SLC36A4: variants seen among roughly 807,000 people sequenced by gnomAD.
The protein encoded by SLC36A4 is neutral amino acid uniporter 4.
Under a neutral mutation model 50.5 loss-of-function variants are expected in SLC36A4, and 49 were observed. The ratio of observed to expected loss-of-function variants is 0.97; its 90% confidence interval spans 0.77 to 1.23. The LOEUF (loss-of-function observed/expected upper bound fraction) is 1.23. SLC36A4 is among the 50% of genes most tolerant of loss of function. The probability of loss-of-function intolerance (pLI) is 0.00; values close to 1 mark genes in which losing one functional copy is unlikely to be tolerated. For synonymous variants in SLC36A4, 207 were observed against 206.5 expected, an observed-to-expected ratio of 1.00 and a Z score of -0.02; for missense variants, 611 against 608.4, an observed-to-expected ratio of 1.00 and a Z score of -0.05.
At chr11:93,188,456 T>C (rs1862081549) in intron 1 of SLC36A4, among the ~76,000 whole-genome samples, 1 of 152,208 alleles carries the variant, frequency 6.6e-6, no homozygotes, top group Admixed American at 6.5e-5. Flanking sequence ...TCCAAATTCC[T>C]GAAGTCAAAA....
At chr11:93,180,704 T>C in intron 6 of SLC36A4, 93 bp downstream of exon 6, 1 of 868,998 alleles carries the variant, frequency 1.2e-6, no homozygotes, top group Non-Finnish European at 1.8e-6. Flanking sequence ...GAACACATTT[T>C]CAAATTCAAC....
intron 6 of SLC36A4, among the ~76,000 whole-genome samples, chr11:93,175,959 T>G (rs1461010556): frequency 1.5e-5 from 2 of 135,314 alleles, no homozygotes; most frequent in Middle Eastern, 3.4e-3. Context: ...AAATGTCTAT[T>G]AGGTCCGCTT....
At chr11:93,157,474 G>A (rs1392165351) in intron 9 of SLC36A4, among the ~76,000 whole-genome samples, 1 of 152,186 alleles carries the variant, frequency 6.6e-6, no homozygotes, top group Non-Finnish European at 1.5e-5. Flanking sequence ...TCCTATCCAT[G>A]AGCATGGAAT....
intron 10 of SLC36A4, 83 bp downstream of exon 10, chr11:93,154,024 AT>A: frequency 4.6e-6 from 3 of 645,568 alleles, no homozygotes; most frequent in Non-Finnish European, 7.0e-6. Context: ...TGTAGCTTTC[AT>A]TTTAAGAAAT....
At chr11:93,185,670 C>T in intron 2 of SLC36A4, 21 bp downstream of exon 2, 4 of 1,558,478 alleles carry the variant, frequency 2.6e-6, no homozygotes, top group Non-Finnish European at 3.4e-6. Context: ...GAAAAGGAGA[C>T]TTATAAACCA....
Position 93,166,026 on chromosome 11 carries a change from GGAA to G in SLC36A4, c.769-13_769-11del. The G allele has an allele frequency of 6.4e-7, 1 of 1,573,632 alleles. No homozygotes were observed. The highest frequency in any genetic ancestry group is 8.6e-7 in the Non-Finnish European group (1 of 1,159,364). ...GGGGATCTGGCATGTTCTAAAGAAA[GGAA>G]GAAAAAAAGAAGACCAGTTACATCT... On this transcript the variant is annotated splice_polypyrimidine_tract_variant and intron_variant, in intron 7 of 10. Transcript: ENST00000326402.
At chr11:93,187,767 T>C (rs1194235568) in intron 1 of SLC36A4, among the ~76,000 whole-genome samples, 1 of 152,204 alleles carries the variant, frequency 6.6e-6, no homozygotes, top group African/African-American at 2.4e-5. Flanking sequence ...CTTCTAGTTC[T>C]CTTTCATTTC....
intron 5 of SLC36A4, 61 bp downstream of exon 5, chr11:93,181,630 A>C: frequency 8.0e-7 from 1 of 1,247,660 alleles, no homozygotes; most frequent in Non-Finnish European, 1.1e-6. Flanking sequence ...TTGTTAGGTT[A>C]AAATACTTAA....
chr11:93,170,704 T>A (rs1372631052), intron 6 of SLC36A4, among the ~76,000 whole-genome samples: 1 of 152,038 alleles, frequency 6.6e-6, no homozygotes, highest in East Asian at 1.9e-4. Context: ...TTTATCTGCA[T>A]GAGATTTTCT....
chr11:93,185,896 G>A, intron 1 of SLC36A4, 82 bp from the exon 2 acceptor site: 1 of 1,260,102 alleles, frequency 7.9e-7, no homozygotes, highest in East Asian at 2.4e-5. Flanking sequence ...CAAAATATTA[G>A]GAAACACCAT....
chr11:93,165,559 G>A (rs1860822374), intron 8 of SLC36A4, among the ~76,000 whole-genome samples: 2 of 151,966 alleles, frequency 1.3e-5, no homozygotes, highest in South Asian at 4.2e-4. Flanking sequence ...TTTTAAACTG[G>A]CCTTGAGTTA....
chr11:93,170,100 T>C (rs1861060463), intron 6 of SLC36A4: 1 of 152,076 alleles, frequency 6.6e-6, no homozygotes, highest in Non-Finnish European at 1.5e-5. Context: ...AATAAAAATG[T>C]AGATACATAC....
At position 93,197,789 on chromosome 11, in the gene SLC36A4, C is replaced by T. The variant is rs1454288301; in HGVS notation, c.44G>A (p.Arg15His). 2 of 1,586,868 alleles carry T rather than the reference C, an allele frequency of 1.3e-6. No homozygotes were observed. The highest frequency in any genetic ancestry group is 1.7e-5 in the Admixed American group (1 of 59,510). The change falls in exon 1 of 11, where the codon CGC becomes CAC. Residue 15 changes from arginine (R) to histidine (H), a missense_variant. Transcript: ENST00000326402. ...CGCACAACACCGACCTAGCTCCTCG[C>T]GCCTCGCCGCCCCGGCAGCCGCCGG... ...ATPAAAGAAR[R>H]EELDMDVMRP...
Position 93,148,024 on chromosome 11 carries a change from A to G in SLC36A4, c.*513T>C, listed in dbSNP as rs1239273369. ...GTTAATGGGAGTTTTCTATACTTCC[A>G]GGAGCCAATCATTAGAATTTGGCTA... On this transcript the variant is annotated 3_prime_UTR_variant, in exon 11 of 11. Transcript: ENST00000326402. The G allele has an allele frequency of 6.6e-6, 1 of 152,454 alleles. No homozygotes were observed. The highest frequency in any genetic ancestry group is 2.4e-5 in the African/African-American group (1 of 41,448). The allele number at this position is 152,454 out of a possible 1,614,324, so 9.4% of individuals were successfully genotyped here.
intron 3 of SLC36A4, among the ~76,000 whole-genome samples, chr11:93,183,250 C>T (rs988051386): frequency 2.0e-5 from 3 of 152,140 alleles, no homozygotes; most frequent in Non-Finnish European, 4.4e-5. Flanking sequence ...ATCTAAATCC[C>T]GAAAACGCAC....
chr11:93,166,236 T>G, intron 7 of SLC36A4: 1 of 1,263,396 alleles, frequency 7.9e-7, no homozygotes, highest in Non-Finnish European at 1.0e-6. Flanking sequence ...TGCCCATACA[T>G]TCCATCTGAG....
intron 1 of SLC36A4, among the ~76,000 whole-genome samples, chr11:93,191,695 ACTCTCATG>A (rs1252160298): frequency 6.6e-6 from 1 of 152,004 alleles, no homozygotes. Context: ...GGCACAATAG[ACTCTCATG>A]GCTTACCTTT....
Position 93,153,917 on chromosome 11 carries a change from T to A in SLC36A4, c.1207+191A>T, listed in dbSNP as rs1016283610. On this transcript the variant is annotated intron_variant, in intron 10 of 10. Transcript: ENST00000326402. The stretch of plus-strand genomic sequence containing the variant: ...AAGTGTGATAGGATCTGGTTTGTGT[T>A]TTTCTTATGTAGTAGTAGAAAAATT... 3 of 310,520 alleles carry A rather than the reference T, an allele frequency of 9.7e-6. No individual in the cohort carries two copies. In the Admixed American group the frequency reaches 1.5e-4, roughly 15 times the overall value. The allele number at this position is 310,520 out of a possible 1,614,324, so 19.2% of individuals were successfully genotyped here. A position where few individuals can be genotyped will look rare whatever the true frequency, so the allele number is the denominator to read the frequency against.
intron 9 of SLC36A4, 56 bp from the exon 10 acceptor site, chr11:93,154,333 C>T: frequency 1.1e-6 from 1 of 870,454 alleles, no homozygotes; most frequent in Non-Finnish European, 1.6e-6. Context: ...TAGTTTTCCT[C>T]CTTTATTTTT....
Sources: gnomAD v4.1 joint callset for allele counts (sites outside exome capture counted in the v4.1 genomes callset) on GRCh38, gnomAD v4.1.1 for gene constraint, MANE v1.5 for transcripts, NCBI Gene and HGNC (gene_info 2026-07-23, HGNC 2026-07-21) for gene names.